The following USP42 variants were observed in gnomAD, a reference collection of about 807,000 sequenced individuals.
USP42 encodes the protein ubiquitin specific peptidase 42, also known as ubiquitin carboxyl-terminal hydrolase 42.
In USP42, 23 loss-of-function variants were observed where a neutral mutation model predicts 113.0. The ratio of observed to expected loss-of-function variants is 0.20; its 90% CI spans 0.15 to 0.29. The LOEUF is 0.29. Among genes scored for constraint, USP42 ranks in the 10% least tolerant of loss-of-function variants. The pLI, the probability that USP42 is intolerant of heterozygous loss-of-function variation, is 1.00. For missense variants in USP42, 2,174 were observed against 1,779.8 expected (o/e 1.22, Z -3.99); for synonymous variants, 933 against 699.0 (o/e 1.33, Z -5.28).
At chr7:6,105,652 G>T (rs1462006645) in intron 1 of USP42, among the ~76,000 whole-genome samples, 1 of 152,226 alleles carries the variant, frequency 6.6e-6, no homozygotes, top group African/African-American at 2.4e-5. Context: ...CGGGCGGAGC[G>T]GCCACCCCGA....
chr7:6,091,639 A>G, the USP42 span, among the ~76,000 whole-genome samples: 1 of 149,514 alleles, frequency 6.7e-6, no homozygotes, highest in Non-Finnish European at 1.5e-5. Flanking sequence ...TTTTTATATT[A>G]GCCAAAAAAA....
intron 14 of USP42, among the ~76,000 whole-genome samples, chr7:6,151,048 C>T (rs973955025): frequency 1.4e-4 from 21 of 152,176 alleles, no homozygotes; most frequent in African/African-American, 3.9e-4. Flanking sequence ...CACTGGATCC[C>T]GTAGGCAGCT....
Position 6,146,203 on chromosome 7 carries a change from T to C in USP42, c.1187T>C (p.Ile396Thr), listed in dbSNP as rs1170549565. ...MNDSIVSTSDIRSVLSQQAYV... is the reference protein window; with the variant it reads ...MNDSIVSTSDTRSVLSQQAYV... ...GACTCCATTGTATCTACCAGTGATA[T>C]TAGATCGGTACTCAGCCAACAAGCC... The change falls in exon 11 of 18, where the codon ATT becomes ACT. Residue 396 changes from isoleucine to threonine, a missense_variant. Transcript: ENST00000306177. 1.2e-6 allele frequency: 2 copies of C among 1,604,864 alleles called. No individual in the cohort carries two copies. The highest frequency in any genetic ancestry group is 2.2e-5 in the East Asian group (1 of 44,804).
rs917767748 is a variant in USP42 at position 6,159,759 on chromosome 7, G to A, written c.*36+266G>A. ...GCAGGCAGAGTCGCCCTGTTCCCTTGTGCCTCACTTGGGAAAAGCCAACCC... is the reference window on the plus strand; with the variant it reads ...GCAGGCAGAGTCGCCCTGTTCCCTTATGCCTCACTTGGGAAAAGCCAACCC... On this transcript the variant is annotated intron_variant, in intron 17 of 17. Transcript: ENST00000306177. The surrounding 1 kb of genome is among the most constrained non-coding windows in gnomAD (Gnocchi z 4.1). Among the ~76,000 whole-genome samples the A allele has an allele frequency of 3.3e-5, 5 of 152,246 alleles. No individual in the cohort carries two copies. Among genetic ancestry groups the A allele is most frequent in the African/African-American group, 1.2e-4 (5 of 41,466 alleles).
intron 2 of USP42, among the ~76,000 whole-genome samples, chr7:6,114,982 G>T (rs1020246190): frequency 6.6e-6 from 1 of 151,904 alleles, no homozygotes; most frequent in Non-Finnish European, 1.5e-5. Flanking sequence ...GAGCCACTGT[G>T]CCCGGCCCTA....
the USP42 span, among the ~76,000 whole-genome samples, chr7:6,088,256 C>CT: frequency 2.0e-5 from 3 of 148,778 alleles, no homozygotes; most frequent in African/African-American, 2.5e-5. Flanking sequence ...ACTCACATTA[C>CT]TTTTTTTTTT....
chr7:6,082,912 T>C, the USP42 span, among the ~76,000 whole-genome samples: 1 of 146,656 alleles, frequency 6.8e-6, no homozygotes, highest in Non-Finnish European at 1.5e-5. Context: ...CGCCTGTGTC[T>C]CTATTAAATT....
intron 7 of USP42, among the ~76,000 whole-genome samples, chr7:6,141,362 GC>G (rs1781423110): frequency 6.6e-6 from 1 of 151,608 alleles, no homozygotes; most frequent in Admixed American, 6.6e-5. Flanking sequence ...GTGCCACCAT[GC>G]CCAGCTAATT....
In USP42 at chr7:6,159,568, C is replaced by T. The variant is rs1217990017; in HGVS notation, c.*36+75C>T. The T allele has an allele frequency of 1.4e-6, 2 of 1,439,452 alleles. No individual in the cohort carries two copies. The highest frequency in any genetic ancestry group is 1.2e-5 in the South Asian group (1 of 83,748). The allele number at this position is 1,439,452 out of a possible 1,614,324, so 89.2% of individuals were successfully genotyped here. On this transcript the variant is annotated intron_variant, in intron 17 of 17. Coordinates refer to ENST00000306177, the MANE Select transcript of USP42 (RefSeq NM_032172.3). This position sits in a 1 kb window ranked among gnomAD's most constrained non-coding sequence, Gnocchi z 4.1. ...GGACGCAGGCAGAGGAGTTTTAATT[C>T]TGCGGCTCTGCCTGGGGGCTGGGCT...
the USP42 span, among the ~76,000 whole-genome samples, chr7:6,086,675 C>T: frequency 6.9e-6 from 1 of 144,570 alleles, no homozygotes; most frequent in Non-Finnish European, 1.5e-5. Flanking sequence ...TTCCCCCTTC[C>T]CTTCCCCCTT....
At position 6,156,882 on chromosome 7, in the gene USP42, A is replaced by C. The variant is rs1782480573; in HGVS notation, c.3770A>C (p.His1257Pro). ...SEDFVKDSEL[H>P]LPRVTSLETV... ...GACTTTGTTAAAGATTCAGAACTGC[A>C]CTTACCCAGGGTCACCAGCTTGGAG... Residue 1257 changes from histidine to proline, a missense_variant, in exon 16 of 18, where the codon CAC (histidine) becomes CCC (proline). Transcript: ENST00000306177. 4 of 1,613,272 alleles carry C rather than the reference A, an allele frequency of 2.5e-6. No homozygotes were observed. The highest frequency in any genetic ancestry group is 3.3e-5 in the Admixed American group (2 of 59,768).
In USP42 at chr7:6,139,312, C is replaced by G. The variant is rs1781323201; in HGVS notation, c.656+118C>G. On this transcript the variant is annotated intron_variant, in intron 5 of 17. Coordinates refer to ENST00000306177, the MANE Select transcript of USP42 (RefSeq NM_032172.3). This position sits in a 1 kb window ranked among gnomAD's most constrained non-coding sequence, Gnocchi z 4.5. Reference sequence around the variant, plus strand: ...AGCACACAGAACAGTGTTCACTTTACCTTTTGGCTTTGCTCTGCCTCTTCC... The same window carrying G: ...AGCACACAGAACAGTGTTCACTTTAGCTTTTGGCTTTGCTCTGCCTCTTCC... The G allele has an allele frequency of 5.1e-6, 4 of 777,552 alleles. No homozygotes were observed. The highest frequency in any genetic ancestry group is 7.7e-6 in the Non-Finnish European group (4 of 518,374). The allele number at this position is 777,552 out of a possible 1,614,324, so 48.2% of individuals were successfully genotyped here.
intron 2 of USP42, among the ~76,000 whole-genome samples, chr7:6,112,134 C>T (rs147274925): frequency 1.3e-4 from 19 of 151,782 alleles, no homozygotes; most frequent in African/African-American, 4.3e-4. Flanking sequence ...AAAAATCATT[C>T]GTAGTAATAA....
chr7:6,151,762 A>G (rs1782066163), intron 14 of USP42, among the ~76,000 whole-genome samples: 1 of 150,340 alleles, frequency 6.7e-6, no homozygotes, highest in African/African-American at 2.4e-5. Flanking sequence ...GTTTATTGCC[A>G]TTGTCATGTA....
At chr7:6,153,628 TATA>T (rs1354252349) in intron 14 of USP42, 125 bp from the exon 15 acceptor site, 22 of 1,199,010 alleles carry the variant, frequency 1.8e-5, no homozygotes, top group Non-Finnish European at 2.2e-5. Flanking sequence ...AAACTTAAAG[TATA>T]ATAATAATAA....
intron 4 of USP42, 51 bp downstream of exon 4, chr7:6,136,002 CTT>C (rs11322306): frequency 0.044 from 23,802 of 537,562 alleles, no homozygotes; most frequent in East Asian, 0.084. Context: ...CCTAGTTATA[CTT>C]TTTTTTTTTT....
At chr7:6,086,512 G>A in the USP42 span, among the ~76,000 whole-genome samples, 1 of 150,700 alleles carries the variant, frequency 6.6e-6, no homozygotes, top group South Asian at 2.1e-4. Context: ...GCCTAGCCGG[G>A]CTAATTTTTG....
chr7:6,144,521 G>A (rs958062143), intron 9 of USP42, among the ~76,000 whole-genome samples: 1 of 152,062 alleles, frequency 6.6e-6, no homozygotes, highest in Non-Finnish European at 1.5e-5. Context: ...ATTGAAAGTG[G>A]TCAAAAACTA....
At chr7:6,114,646 A>ATGTG (rs201072257) in intron 2 of USP42, among the ~76,000 whole-genome samples, 32 of 87,890 alleles carry the variant, frequency 3.6e-4, no homozygotes, top group African/African-American at 1.7e-3. Flanking sequence ...GTATATATGT[A>ATGTG]TGTGTGTGTG....
Sources: gnomAD v4.1 joint callset for allele counts (sites outside exome capture counted in the v4.1 genomes callset) on GRCh38, gnomAD v4.1.1 for gene constraint, Gnocchi (gnomAD v3.1) non-coding constraint, MANE v1.5 for transcripts, NCBI Gene and HGNC (gene_info 2026-07-23, HGNC 2026-07-21) for gene names.